Variants in GPRC5B observed in about 807,000 individuals in gnomAD.
The protein encoded by GPRC5B is G protein-coupled receptor family C group 5 member B.
Under a neutral mutation model 30.1 loss-of-function variants are expected in GPRC5B, and 16 were observed. That is an observed-to-expected ratio of 0.53 (90% CI 0.36 to 0.81). The LOEUF is 0.81. Among genes scored for constraint, GPRC5B ranks in the 30% least tolerant of loss-of-function variants. GPRC5B has a pLI of 0.01. For missense variants in GPRC5B, 428 were observed against 544.7 expected (o/e 0.79, Z 2.13); for synonymous variants, 241 against 239.5 (o/e 1.01, Z -0.06).
chr16:19,885,518 C>G (rs2056843112), upstream of GPRC5B: 1 of 1,124,708 alleles, frequency 8.9e-7, no homozygotes, highest in Non-Finnish European at 1.1e-6. The surrounding 1 kb of genome is among the most constrained non-coding windows in gnomAD (Gnocchi z 5.3). Context: ...CTTGGCCCCT[C>G]GAAACACACA....
At chr16:19,867,748 G>T (rs539690864) in intron 2 of GPRC5B, among the ~76,000 whole-genome samples, 2 of 152,260 alleles carry the variant, frequency 1.3e-5, no homozygotes, top group South Asian at 4.2e-4. Context: ...TGAGATTCGT[G>T]TCCTTATAAA....
At chr16:19,864,911 ATTT>A (rs1163249399) in intron 2 of GPRC5B, among the ~76,000 whole-genome samples, 377 of 126,054 alleles carry the variant, frequency 3.0e-3, no homozygotes, top group African/African-American at 0.011. Context: ...GCCCGGTCTC[ATTT>A]TTTTTTTTTT....
At chr16:19,864,911 A>ATTTTT (rs1163249399) in intron 2 of GPRC5B, among the ~76,000 whole-genome samples, 3 of 126,064 alleles carry the variant, frequency 2.4e-5, no homozygotes, top group Non-Finnish European at 3.3e-5. Flanking sequence ...GCCCGGTCTC[A>ATTTTT]TTTTTTTTTT....
chr16:19,879,706 T>G (rs1242111658), intron 1 of GPRC5B, among the ~76,000 whole-genome samples: 1 of 152,158 alleles, frequency 6.6e-6, no homozygotes, highest in African/African-American at 2.4e-5. Context: ...TCTGGGCAGC[T>G]GCCATAAGGT....
chr16:19,880,531 C>T (rs181356754), intron 1 of GPRC5B, among the ~76,000 whole-genome samples: 1 of 152,280 alleles, frequency 6.6e-6, no homozygotes, highest in Admixed American at 6.5e-5. Flanking sequence ...CTAGCCTCCC[C>T]CATCAAACAT....
chr16:19,883,689 T>A (rs1267077636), intron 1 of GPRC5B, among the ~76,000 whole-genome samples: 1 of 152,330 alleles, frequency 6.6e-6, no homozygotes, highest in Admixed American at 6.5e-5. Flanking sequence ...GGGACGCCGC[T>A]GCCCGCCACA....
Position 19,857,253 on chromosome 16 carries a change from AGTT to A in GPRC5B, c.*3244_*3246del, listed in dbSNP as rs1283430328. 1 of 317,618 alleles carries A rather than the reference AGTT, an allele frequency of 3.1e-6. No homozygotes were observed. The highest frequency in any genetic ancestry group is 5.9e-6 in the Non-Finnish European group (1 of 168,474). The allele number at this position is 317,618 out of a possible 1,614,324, so 19.7% of individuals were successfully genotyped here. A position where few individuals can be genotyped will look rare whatever the true frequency, so the allele number is the denominator to read the frequency against. ...CTCAAGGCAGATCCGAAAGCCTAGT[AGTT>A]AGTTGCACTGGGTTGTTTTGACAAG... On this transcript the variant is annotated 3_prime_UTR_variant, in exon 4 of 4. Transcript: ENST00000300571.
intron 1 of GPRC5B, among the ~76,000 whole-genome samples, chr16:19,877,565 G>GC (rs1172896053): frequency 6.6e-6 from 1 of 152,048 alleles, no homozygotes; most frequent in African/African-American, 2.4e-5. Context: ...ATTCAGAAAT[G>GC]CCCCCCAGAG....
intron 1 of GPRC5B, among the ~76,000 whole-genome samples, chr16:19,877,197 G>A (rs1047837311): frequency 6.6e-6 from 1 of 152,202 alleles, no homozygotes; most frequent in African/African-American, 2.4e-5. Context: ...ATTCATCCAT[G>A]CCTGAAGCCA....
At chr16:19,861,391 T>C (rs1206425144) in intron 3 of GPRC5B, among the ~76,000 whole-genome samples, 1 of 152,182 alleles carries the variant, frequency 6.6e-6, no homozygotes, top group Non-Finnish European at 1.5e-5. Flanking sequence ...ACTGCTTCAA[T>C]TTCTTAAGAC....
intron 2 of GPRC5B, among the ~76,000 whole-genome samples, chr16:19,869,790 G>A (rs898118007): frequency 6.6e-6 from 1 of 152,152 alleles, no homozygotes; most frequent in African/African-American, 2.4e-5. Context: ...AACACTGGGG[G>A]GCCCAGTGCT....
In GPRC5B at chr16:19,879,202, G is replaced by A. The variant is rs572526836; in HGVS notation, c.-2+5525C>T. 6.0e-4 allele frequency among the ~76,000 whole-genome samples: 92 copies of A among 152,100 alleles called. 1 individual carries two copies. The highest frequency in any genetic ancestry group is 2.0e-3 in the African/African-American group (81 of 41,482). Reference sequence around the variant, plus strand: ...GGAACAATACCAGATTAGAGGTTTCGAGTCAGCCTCGAGGCAGGATTGATT... The same window carrying A: ...GGAACAATACCAGATTAGAGGTTTCAAGTCAGCCTCGAGGCAGGATTGATT... On this transcript the variant is annotated intron_variant, in intron 1 of 3. Coordinates refer to ENST00000300571, the MANE Select transcript of GPRC5B (RefSeq NM_016235.3).
At chr16:19,865,672 T>G (rs892825860) in intron 2 of GPRC5B, among the ~76,000 whole-genome samples, 1 of 152,170 alleles carries the variant, frequency 6.6e-6, no homozygotes, top group African/African-American at 2.4e-5. Flanking sequence ...TGAAGATGAA[T>G]GCATAAGAAT....
chr16:19,863,036 C>G (rs2056639535), intron 2 of GPRC5B, among the ~76,000 whole-genome samples: 1 of 152,210 alleles, frequency 6.6e-6, no homozygotes, highest in African/African-American at 2.4e-5. Context: ...CTTAGTTATA[C>G]AGTTAAGCTT....
intron 2 of GPRC5B, among the ~76,000 whole-genome samples, chr16:19,865,824 G>A (rs2141140564): frequency 6.6e-6 from 1 of 152,322 alleles, no homozygotes; most frequent in South Asian, 2.1e-4. Context: ...ACGTCACTTA[G>A]ACCAGCGGTT....
At chr16:19,863,166 CTT>C (rs112756309) in intron 2 of GPRC5B, among the ~76,000 whole-genome samples, 5 of 144,586 alleles carry the variant, frequency 3.5e-5, no homozygotes, top group Non-Finnish European at 6.1e-5. Context: ...ACGATAGCTA[CTT>C]TTTTTTTTTT....
chr16:19,885,085 C>T, upstream of GPRC5B: 1 of 809,946 alleles, frequency 1.2e-6, no homozygotes, highest in Non-Finnish European at 1.8e-6. This position sits in a 1 kb window ranked among gnomAD's most constrained non-coding sequence, Gnocchi z 5.3. Flanking sequence ...ACCTCGTGCC[C>T]CCAATTCGGG....
At chr16:19,865,530 C>T (rs1567207769) in intron 2 of GPRC5B, among the ~76,000 whole-genome samples, 1 of 152,224 alleles carries the variant, frequency 6.6e-6, no homozygotes, top group Non-Finnish European at 1.5e-5. Context: ...CATCATTTCA[C>T]TTAAAGTCGC....
intron 3 of GPRC5B, 119 bp from the exon 4 acceptor site, chr16:19,860,663 C>G: frequency 1.6e-6 from 1 of 629,594 alleles, no homozygotes; most frequent in East Asian, 2.9e-5. Flanking sequence ...CTAGATGGGT[C>G]GAATAATTCC....
Sources: gnomAD v4.1 joint callset for allele counts (sites outside exome capture counted in the v4.1 genomes callset) on GRCh38, gnomAD v4.1.1 for gene constraint, Gnocchi (gnomAD v3.1) non-coding constraint, MANE v1.5 for transcripts, NCBI Gene and HGNC (gene_info 2026-07-23, HGNC 2026-07-21) for gene names.